The following NUP210L variants were observed in gnomAD, a reference collection of about 807,000 sequenced individuals.
The protein encoded by NUP210L is nucleoporin 210 like, also known as nuclear pore membrane glycoprotein 210-like.
Under a neutral mutation model 208.5 loss-of-function variants are expected in NUP210L, and 74 were observed. The ratio of observed to expected loss-of-function variants is 0.35; its 90% CI spans 0.29 to 0.43. NUP210L has a LOEUF of 0.43. Among genes scored for constraint, NUP210L ranks in the 20% least tolerant of loss-of-function variants. The probability of loss-of-function intolerance (pLI) is 1.00; values close to 1 mark genes in which losing one functional copy is unlikely to be tolerated. For synonymous variants in NUP210L, 780 were observed against 816.9 expected, an observed-to-expected ratio of 0.95 and a Z score of 0.77; for missense variants, 1,843 against 2,289.4, an observed-to-expected ratio of 0.81 and a Z score of 3.98.
At chr1:154,126,334 T>C (rs1657977738) in exon 10 of NUP210L, 1 of 1,611,222 alleles carries the variant, frequency 6.2e-7, no homozygotes, top group Non-Finnish European at 8.5e-7. Flanking sequence ...TGGTAAATGA[T>C]GGAGGTCAGG....
Position 154,001,017 on chromosome 1 carries a change from T to C in NUP210L, c.5225A>G (p.His1742Arg), listed in dbSNP as rs201235930. 1.1e-5 allele frequency: 17 copies of C among 1,613,866 alleles called. No homozygotes were observed. The Admixed American group carries it at 2.7e-4, about 25-fold the overall frequency. Residue 1742 changes from histidine to arginine, a missense_variant, in exon 37 of 40, where the codon CAC becomes CGC. His to Arg is a conservative substitution (Grantham distance 29, BLOSUM62 0). Transcript: ENST00000368559. The stretch of plus-strand genomic sequence containing the variant: ...GGCCAGGCCAGGAGTGAGGGGAGAG[T>C]GGCTATGGCCAGCGACCACTAGAAC...
intron 2 of NUP210L, among the ~76,000 whole-genome samples, chr1:154,150,303 G>T (rs940760464): frequency 1.3e-5 from 2 of 152,170 alleles, no homozygotes; most frequent in Non-Finnish European, 2.9e-5. Flanking sequence ...GAACCCGGGA[G>T]GCAGAGGTTG....
At chr1:154,008,023 C>T (rs1650665455) in intron 35 of NUP210L, among the ~76,000 whole-genome samples, 1 of 151,928 alleles carries the variant, frequency 6.6e-6, no homozygotes, top group African/African-American at 2.4e-5. Context: ...AGGTGCCTGC[C>T]ACCATGCCTG....
Position 154,013,019 on chromosome 1 carries a change from A to C in NUP210L, c.4654-649T>G, listed in dbSNP as rs1651026700. 1.3e-5 allele frequency among the ~76,000 whole-genome samples: 2 copies of C among 150,058 alleles called. 1 individual carries two copies. The highest frequency in any genetic ancestry group is 3.0e-5 in the Non-Finnish European group (2 of 67,550). ...GAAACTCTGAATCAAAAAAAAAAAA[A>C]AAAAACAAAGACGGGGTCTTGGCCA... On this transcript the variant is annotated intron_variant, in intron 33 of 39. Transcript: ENST00000368559.
intron 35 of NUP210L, among the ~76,000 whole-genome samples, chr1:154,004,758 C>A (rs909467195): frequency 6.6e-6 from 1 of 151,914 alleles, no homozygotes; most frequent in Non-Finnish European, 1.5e-5. Flanking sequence ...GGGATTCCCC[C>A]ACCTTGGCCT....
chr1:154,132,113 T>C (rs1658292529), intron 7 of NUP210L, among the ~76,000 whole-genome samples: 1 of 152,170 alleles, frequency 6.6e-6, no homozygotes, highest in South Asian at 2.1e-4. Flanking sequence ...ATCCTTGGTT[T>C]TTCTATAATA....
At chr1:154,023,030 G>T in intron 31 of NUP210L, 92 bp downstream of exon 31, 1 of 1,289,378 alleles carries the variant, frequency 7.8e-7, no homozygotes, top group Non-Finnish European at 1.1e-6. Flanking sequence ...AATTCAGAAT[G>T]TGAGAGGAAT....
chr1:154,075,332 A>G (rs1654977953), intron 16 of NUP210L, among the ~76,000 whole-genome samples: 1 of 152,188 alleles, frequency 6.6e-6, no homozygotes, highest in African/African-American at 2.4e-5. Context: ...ATATACACAC[A>G]CATATACACA....
chr1:154,129,686 G>A (rs1299256218), intron 7 of NUP210L, among the ~76,000 whole-genome samples: 1 of 152,228 alleles, frequency 6.6e-6, no homozygotes, highest in Non-Finnish European at 1.5e-5. Context: ...ACAGGACGAA[G>A]TGGCTCCATT....
chr1:154,138,463 A>G (rs1448942134), intron 5 of NUP210L, among the ~76,000 whole-genome samples: 1 of 152,210 alleles, frequency 6.6e-6, no homozygotes, highest in Non-Finnish European at 1.5e-5. Context: ...ACTTAGAACA[A>G]AAAAGTCTTC....
intron 12 of NUP210L, among the ~76,000 whole-genome samples, chr1:154,112,853 C>G (rs973484429): frequency 8.5e-6 from 1 of 118,248 alleles, no homozygotes; most frequent in Non-Finnish European, 1.7e-5. Context: ...GAGACCCTGT[C>G]TGGGGAAAAA....
chr1:154,075,480 G>A (rs1038388393), intron 16 of NUP210L, among the ~76,000 whole-genome samples: 3 of 151,952 alleles, frequency 2.0e-5, no homozygotes, highest in Non-Finnish European at 4.4e-5. Flanking sequence ...TGACCATGAA[G>A]CTAACTAAGC....
intron 27 of NUP210L, among the ~76,000 whole-genome samples, chr1:154,040,793 A>G (rs900476021): frequency 1.3e-5 from 2 of 151,992 alleles, no homozygotes; most frequent in African/African-American, 4.8e-5. Context: ...GGGTTTCACC[A>G]TGTTAGCCAA....
intron 2 of NUP210L, among the ~76,000 whole-genome samples, chr1:154,148,049 G>A (rs1330805548): frequency 6.7e-6 from 1 of 148,878 alleles, no homozygotes; most frequent in East Asian, 2.1e-4. Flanking sequence ...CACTAGGTCA[G>A]GAGTTCGAGA....
intron 14 of NUP210L, among the ~76,000 whole-genome samples, chr1:154,095,831 A>G (rs1656151120): frequency 6.6e-6 from 1 of 152,206 alleles, no homozygotes; most frequent in Admixed American, 6.6e-5. Context: ...GTATTACTCA[A>G]TTCAGTATAG....
At chr1:154,029,866 C>T (rs771819838) in intron 28 of NUP210L, 30 bp downstream of exon 28, 36 of 1,569,344 alleles carry the variant, frequency 2.3e-5, no homozygotes, top group African/African-American at 5.5e-5. Context: ...CCTTAATATA[C>T]GAAAATAAGA....
rs1220628157 is a variant in NUP210L at position 154,014,894 on chromosome 1, C to T, written c.4654-2524G>A. On this transcript the variant is annotated intron_variant, in intron 33 of 39. Coordinates refer to ENST00000368559, the Ensembl canonical transcript of NUP210L. ...TGGCACACACCTGTAGTCCTAGCTACTTGGGAGGCTGAGGCACGAGAATTG... is the reference window on the plus strand; with the variant it reads ...TGGCACACACCTGTAGTCCTAGCTATTTGGGAGGCTGAGGCACGAGAATTG... Among the ~76,000 whole-genome samples, 4 of 152,098 alleles carry T rather than the reference C, an allele frequency of 2.6e-5. No homozygotes were observed. The South Asian group carries it at 8.3e-4, about 31-fold the overall frequency.
chr1:154,135,564 G>A (rs372087155), intron 7 of NUP210L, among the ~76,000 whole-genome samples: 18 of 152,010 alleles, frequency 1.2e-4, no homozygotes, highest in Non-Finnish European at 1.0e-4. Flanking sequence ...TGGGACTACA[G>A]GCGCCCGCCA....
intron 2 of NUP210L, among the ~76,000 whole-genome samples, chr1:154,146,156 A>G (rs1233414976): frequency 6.6e-6 from 1 of 152,240 alleles, no homozygotes; most frequent in Non-Finnish European, 1.5e-5. Flanking sequence ...AATCACAAAA[A>G]TTAAAGAAAA....
Sources: gnomAD v4.1 joint callset for allele counts (sites outside exome capture counted in the v4.1 genomes callset) on GRCh38, gnomAD v4.1.1 for gene constraint, MANE v1.5 for transcripts, NCBI Gene and HGNC (gene_info 2026-07-23, HGNC 2026-07-21) for gene names.